The following PARD3B variants were observed in gnomAD, a reference collection of about 807,000 sequenced individuals.
PARD3B encodes the protein par-3 family cell polarity regulator beta.
In PARD3B, 103 loss-of-function variants were observed where a neutral mutation model predicts 130.2. That is an observed-to-expected ratio of 0.79 (90% CI 0.67 to 0.93). The LOEUF (loss-of-function observed/expected upper bound fraction) is 0.93, where lower values mean the gene tolerates loss of function less well. Ranked by LOEUF, PARD3B falls within the 40% of genes least tolerant of loss-of-function variation. PARD3B has a pLI of 0.00. For missense variants in PARD3B, 1,609 were observed against 1,499.2 expected (o/e 1.07, Z -1.21); for synonymous variants, 583 against 553.2 (o/e 1.05, Z -0.76).
At chr2:205,333,013 T>G (rs574323756) in intron 18 of PARD3B, among the ~76,000 whole-genome samples, 1 of 152,276 alleles carries the variant, frequency 6.6e-6, no homozygotes, top group South Asian at 2.1e-4. Flanking sequence ...GTAAACAGAT[T>G]AATAGAAATG....
intron 6 of PARD3B, among the ~76,000 whole-genome samples, chr2:205,117,189 G>A (rs923512736): frequency 6.6e-6 from 1 of 152,140 alleles, no homozygotes; most frequent in Non-Finnish European, 1.5e-5. Context: ...AAACCCATAA[G>A]TTTTATCTAT....
At chr2:205,144,247 G>A (rs1236203250) in intron 10 of PARD3B, among the ~76,000 whole-genome samples, 2 of 152,180 alleles carry the variant, frequency 1.3e-5, no homozygotes, top group Non-Finnish European at 2.9e-5. Flanking sequence ...GAGATATGTG[G>A]AGCAGACGTA....
Position 205,530,014 on chromosome 2 carries a change from G to A in PARD3B, c.3181-23310G>A, listed in dbSNP as rs1355567737. On this transcript the variant is annotated intron_variant, in intron 21 of 22. Transcript: ENST00000406610. This position sits in a 1 kb window ranked among gnomAD's most constrained non-coding sequence, Gnocchi z 4.7. ...GAGAAACTATACCAACTGCCACCTT[G>A]GTATAGGCAGGCAAAGAAAGGTGCC... Among the ~76,000 whole-genome samples, 3 of 152,048 alleles carry A rather than the reference G, an allele frequency of 2.0e-5. No individual in the cohort carries two copies. Among genetic ancestry groups the A allele is most frequent in the Non-Finnish European group, 4.4e-5 (3 of 68,006 alleles).
At chr2:204,647,818 G>A (rs1352606053) in intron 1 of PARD3B, among the ~76,000 whole-genome samples, 6 of 151,570 alleles carry the variant, frequency 4.0e-5, no homozygotes, top group African/African-American at 1.5e-4. Flanking sequence ...ACATTAAAAA[G>A]TACAAATAAT....
At chr2:204,865,339 T>G (rs1199036259) in intron 2 of PARD3B, among the ~76,000 whole-genome samples, 1 of 152,208 alleles carries the variant, frequency 6.6e-6, no homozygotes, top group East Asian at 1.9e-4. Flanking sequence ...GCAGCACAAT[T>G]TGCAATCAGG....
intron 18 of PARD3B, among the ~76,000 whole-genome samples, chr2:205,391,101 G>A (rs1294441725): frequency 6.6e-6 from 1 of 152,242 alleles, no homozygotes; most frequent in African/African-American, 2.4e-5. Context: ...ACTGGGCCTG[G>A]GAAGGGCAAG....
chr2:204,964,072 T>C (rs1371886955), intron 2 of PARD3B, among the ~76,000 whole-genome samples: 1 of 152,242 alleles, frequency 6.6e-6, no homozygotes, highest in South Asian at 2.1e-4. Context: ...GGGCTCTGAG[T>C]GTCTTTCCTG....
chr2:205,599,366 C>T (rs759308822), intron 22 of PARD3B, among the ~76,000 whole-genome samples: 11 of 152,206 alleles, frequency 7.2e-5, no homozygotes, highest in Non-Finnish European at 1.3e-4. Flanking sequence ...AATGTTCACA[C>T]AGTTCCCAAA....
At chr2:205,113,455 G>C (rs763272693) in intron 5 of PARD3B, 36 bp from the exon 6 acceptor site, 2 of 1,469,536 alleles carry the variant, frequency 1.4e-6, no homozygotes, top group South Asian at 2.3e-5. Context: ...TTTTTTAGCA[G>C]ACACTCATTT....
chr2:204,816,595 A>G (rs1009781961), intron 2 of PARD3B, among the ~76,000 whole-genome samples: 1 of 151,998 alleles, frequency 6.6e-6, no homozygotes, highest in Non-Finnish European at 1.5e-5. Context: ...TGCTATTACT[A>G]AAGAGAAATG....
intron 21 of PARD3B, among the ~76,000 whole-genome samples, chr2:205,546,574 G>C (rs2052389983): frequency 6.6e-6 from 1 of 152,112 alleles, no homozygotes; most frequent in Non-Finnish European, 1.5e-5. Context: ...AGAAAAATGA[G>C]AAGTGAGCTT....
At chr2:204,872,114 A>G (rs983573942) in intron 2 of PARD3B, among the ~76,000 whole-genome samples, 1 of 152,148 alleles carries the variant, frequency 6.6e-6, no homozygotes. Context: ...GTTTTCATTA[A>G]AAATATAATT....
At chr2:204,730,079 T>G (rs1416367630) in intron 2 of PARD3B, among the ~76,000 whole-genome samples, 4 of 151,628 alleles carry the variant, frequency 2.6e-5, no homozygotes, top group Non-Finnish European at 5.9e-5. Context: ...CTTTCTTTCT[T>G]TCTTTTTTGA....
intron 18 of PARD3B, among the ~76,000 whole-genome samples, chr2:205,373,317 C>G (rs1205171755): frequency 6.6e-6 from 1 of 152,198 alleles, no homozygotes; most frequent in Non-Finnish European, 1.5e-5. Context: ...TAGGTGTAGT[C>G]ACTCCATACC....
intron 18 of PARD3B, among the ~76,000 whole-genome samples, chr2:205,382,269 A>G (rs1451088076): frequency 6.6e-6 from 1 of 151,922 alleles, no homozygotes; most frequent in Admixed American, 6.6e-5. Flanking sequence ...TTACTTTGGA[A>G]TGTAGTAGTG....
rs17251637 is a variant in PARD3B at position 205,281,840 on chromosome 2, C to A, written c.2186-18690C>A. Among the ~76,000 whole-genome samples, 2 of 152,036 alleles carry A rather than the reference C, an allele frequency of 1.3e-5. No individual in the cohort carries two copies. The highest frequency in any genetic ancestry group is 1.3e-4 in the Admixed American group (2 of 15,266). The stretch of plus-strand genomic sequence containing the variant: ...AAAAGAAATTTTATACATGAGTTTA[C>A]CCCTGAAATGGATGAGTAGATGAGA... On this transcript the variant is annotated intron_variant, in intron 16 of 22. Transcript: ENST00000406610. This position sits in a 1 kb window ranked among gnomAD's most constrained non-coding sequence, Gnocchi z 4.2.
chr2:205,437,787 G>T (rs906673038), intron 19 of PARD3B, among the ~76,000 whole-genome samples: 1 of 152,078 alleles, frequency 6.6e-6, no homozygotes, highest in East Asian at 1.9e-4. Context: ...CAATTCAAAC[G>T]CAGTTTGCTC....
rs1315161079 is a variant in PARD3B at position 205,460,234 on chromosome 2, G to A, written c.3044+19562G>A. 6.6e-6 allele frequency among the ~76,000 whole-genome samples: 1 copy of A among 152,180 alleles called. No homozygotes were observed. The highest frequency in any genetic ancestry group is 1.5e-5 in the Non-Finnish European group (1 of 68,038). On this transcript the variant is annotated intron_variant, in intron 20 of 22. Transcript: ENST00000406610. This position sits in a 1 kb window ranked among gnomAD's most constrained non-coding sequence, Gnocchi z 4.9. ...ATCATTTGAGTCTAAATGCAGCTTT[G>A]AGGATATGCAGTTCGTAAATTTCCT...
rs994529925 is a variant in PARD3B at position 205,446,509 on chromosome 2, A to G, written c.3044+5837A>G. ...CATATGAAACATACCCTATTTGTCCATATATCTCTGTCACATAGGAACAGA... is the reference window on the plus strand; with the variant it reads ...CATATGAAACATACCCTATTTGTCCGTATATCTCTGTCACATAGGAACAGA... On this transcript the variant is annotated intron_variant, in intron 20 of 22. Transcript: ENST00000406610. This position sits in a 1 kb window ranked among gnomAD's most constrained non-coding sequence, Gnocchi z 4.4. Among the ~76,000 whole-genome samples, 1 of 152,130 alleles carries G rather than the reference A, an allele frequency of 6.6e-6. No homozygotes were observed. Among genetic ancestry groups the G allele is most frequent in the Non-Finnish European group, 1.5e-5 (1 of 68,016 alleles).
Sources: gnomAD v4.1 joint callset for allele counts (sites outside exome capture counted in the v4.1 genomes callset) on GRCh38, gnomAD v4.1.1 for gene constraint, Gnocchi (gnomAD v3.1) non-coding constraint, MANE v1.5 for transcripts, NCBI Gene and HGNC (gene_info 2026-07-23, HGNC 2026-07-21) for gene names.